DLG2: variants seen among roughly 807,000 people sequenced by gnomAD.
DLG2 encodes discs large MAGUK scaffold protein 2, also known as disks large homolog 2.
Under a neutral mutation model 132.5 loss-of-function variants are expected in DLG2, and 45 were observed. The ratio of observed to expected loss-of-function variants is 0.34; its 90% confidence interval spans 0.27 to 0.44. The LOEUF (loss-of-function observed/expected upper bound fraction) is 0.44, where lower values mean the gene tolerates loss of function less well. DLG2 is among the 20% of genes least tolerant of loss of function. The pLI, the probability that DLG2 is intolerant of heterozygous loss-of-function variation, is 1.00. For missense variants in DLG2, 1,045 were observed against 1,196.9 expected (o/e 0.87, Z 1.87); for synonymous variants, 424 against 419.6 (o/e 1.01, Z -0.13).
chr11:83,587,779 TGC>T (rs1291958613), intron 19 of DLG2, among the ~76,000 whole-genome samples: 1 of 152,012 alleles, frequency 6.6e-6, no homozygotes, highest in African/African-American at 2.4e-5. Flanking sequence ...GGTCAGTGGG[TGC>T]GCGCACCGTG....
At chr11:84,222,151 G>T (rs557696856) in intron 8 of DLG2, among the ~76,000 whole-genome samples, 7 of 152,116 alleles carry the variant, frequency 4.6e-5, no homozygotes, top group African/African-American at 1.7e-4. Context: ...TCCTGCCTCA[G>T]CCTCCCAAGT....
At chr11:84,524,573 C>A (rs1169033844) in intron 7 of DLG2, among the ~76,000 whole-genome samples, 3 of 152,178 alleles carry the variant, frequency 2.0e-5, no homozygotes, top group Admixed American at 2.0e-4. Context: ...TAACTAAGAG[C>A]TTCTAATTTA....
intron 7 of DLG2, among the ~76,000 whole-genome samples, chr11:84,285,559 G>A (rs932657732): frequency 8.5e-5 from 13 of 152,094 alleles, no homozygotes; most frequent in Admixed American, 2.0e-4. Context: ...ACTGTGCATC[G>A]TAGGAGGCTT....
chr11:85,382,953 A>G (rs1294120170), intron 3 of DLG2, among the ~76,000 whole-genome samples: 1 of 152,170 alleles, frequency 6.6e-6, no homozygotes, highest in Non-Finnish European at 1.5e-5. Flanking sequence ...TAAAGTTACC[A>G]TATGAACCAG....
chr11:84,564,723 A>C (rs1483068374), intron 6 of DLG2, among the ~76,000 whole-genome samples: 2 of 152,194 alleles, frequency 1.3e-5, no homozygotes, highest in African/African-American at 4.8e-5. Flanking sequence ...ATATTACCTA[A>C]GGTGTCTCCT....
At chr11:83,644,776 T>C (rs569726840) in intron 18 of DLG2, among the ~76,000 whole-genome samples, 4 of 152,222 alleles carry the variant, frequency 2.6e-5, no homozygotes, top group Admixed American at 2.0e-4. Flanking sequence ...ATTGTTCCCC[T>C]AATTTTTGGC....
At chr11:83,505,449 G>T (rs942094025) in intron 21 of DLG2, among the ~76,000 whole-genome samples, 4 of 152,162 alleles carry the variant, frequency 2.6e-5, no homozygotes, top group Non-Finnish European at 4.4e-5. Context: ...ACTGAGTGGC[G>T]TCCACAGAAC....
chr11:85,071,818 A>T (rs1314766023), intron 6 of DLG2, among the ~76,000 whole-genome samples: 1 of 151,860 alleles, frequency 6.6e-6, no homozygotes, highest in Non-Finnish European at 1.5e-5. Context: ...TTGAAGCCAA[A>T]GAGTTCTTTA....
chr11:83,780,126 A>G (rs2094752695), intron 18 of DLG2, among the ~76,000 whole-genome samples: 1 of 152,210 alleles, frequency 6.6e-6, no homozygotes, highest in Non-Finnish European at 1.5e-5. Context: ...GCTCATTCAT[A>G]TGCATAAGCC....
chr11:85,561,066 C>T lies in DLG2; in HGVS notation c.40+37591G>A, dbSNP rs2077207126. Among the ~76,000 whole-genome samples the T allele has an allele frequency of 2.0e-5, 3 of 149,146 alleles. 1 individual carries two copies. The South Asian group carries it at 6.4e-4, about 32-fold the overall frequency. ...AAATAATAAAAATAAACACTGTGAG[C>T]TGTGTAAGGCCAGGCATGGTGGCTC... On this transcript the variant is annotated intron_variant, in intron 3 of 27. Coordinates refer to ENST00000376104, the MANE Select transcript of DLG2 (RefSeq NM_001142699.3).
intron 16 of DLG2, among the ~76,000 whole-genome samples, chr11:83,850,252 C>T (rs2059497598): frequency 6.6e-6 from 1 of 151,794 alleles, no homozygotes; most frequent in Admixed American, 6.6e-5. Flanking sequence ...TTCCCGGGTT[C>T]AAGAGATTCT....
At chr11:85,478,233 G>T (rs1478512693) in intron 3 of DLG2, among the ~76,000 whole-genome samples, 1 of 151,772 alleles carries the variant, frequency 6.6e-6, no homozygotes, top group Non-Finnish European at 1.5e-5. Flanking sequence ...TGTTGCCCAG[G>T]CTGGTCTTGA....
intron 3 of DLG2, among the ~76,000 whole-genome samples, chr11:85,522,208 G>A (rs992340175): frequency 3.3e-5 from 5 of 152,170 alleles, no homozygotes; most frequent in South Asian, 2.1e-4. Flanking sequence ...TATCACTCAG[G>A]ATGTTGCTTC....
At chr11:85,257,494 G>C (rs1225013851) in intron 4 of DLG2, among the ~76,000 whole-genome samples, 1 of 152,178 alleles carries the variant, frequency 6.6e-6, no homozygotes, top group Non-Finnish European at 1.5e-5. Flanking sequence ...AGGTATGTCT[G>C]TGAAAAATGT....
intron 6 of DLG2, among the ~76,000 whole-genome samples, chr11:85,070,152 G>T (rs1213960322): frequency 6.6e-6 from 1 of 151,840 alleles, no homozygotes; most frequent in South Asian, 2.1e-4. Context: ...GGGGCCTGTC[G>T]TGGGGTGGGT....
At chr11:84,557,713 C>T (rs931534820) in intron 6 of DLG2, among the ~76,000 whole-genome samples, 5 of 150,978 alleles carry the variant, frequency 3.3e-5, no homozygotes, top group African/African-American at 7.3e-5. Context: ...TTTTCCTTTC[C>T]GGAATAACAA....
intron 6 of DLG2, among the ~76,000 whole-genome samples, chr11:84,954,721 A>G (rs2051411493): frequency 6.6e-6 from 1 of 152,172 alleles, no homozygotes; most frequent in South Asian, 2.1e-4. Flanking sequence ...TTGTCTAGAC[A>G]GTCCCCTATT....
intron 3 of DLG2, among the ~76,000 whole-genome samples, chr11:85,334,318 CTCTT>C (rs1233897389): frequency 6.6e-6 from 1 of 151,920 alleles, no homozygotes; most frequent in Non-Finnish European, 1.5e-5. Flanking sequence ...TGGATCTTCT[CTCTT>C]TTTTTATTTA....
intron 6 of DLG2, among the ~76,000 whole-genome samples, chr11:84,905,711 T>A (rs540010880): frequency 6.6e-6 from 1 of 152,278 alleles, no homozygotes; most frequent in Non-Finnish European, 1.5e-5. Context: ...TAATAATCCA[T>A]TTCTTGTATT....
Sources: allele counts gnomAD v4.1 joint callset (sites outside exome capture counted in the v4.1 genomes callset), GRCh38; gene constraint gnomAD v4.1.1; transcripts MANE v1.5; gene names NCBI Gene and HGNC (gene_info 2026-07-23, HGNC 2026-07-21).